RALY: variants seen among roughly 807,000 people sequenced by gnomAD.
RALY encodes the protein RNA-binding protein Raly.
Under a neutral mutation model 30.7 loss-of-function variants are expected in RALY, and 15 were observed. The observed-to-expected ratio is 0.49, with a 90% confidence interval of 0.33 to 0.75. The LOEUF (loss-of-function observed/expected upper bound fraction) is 0.75. RALY is among the 30% of genes least tolerant of loss of function. The pLI is 0.02. For synonymous variants in RALY, 177 were observed against 170.8 expected (o/e 1.04, Z -0.28); for missense variants, 339 against 414.3 (o/e 0.82, Z 1.58).
At chr20:34,005,665 A>G (rs1393275042) in intron 1 of RALY, among the ~76,000 whole-genome samples, 1 of 152,246 alleles carries the variant, frequency 6.6e-6, no homozygotes, top group Non-Finnish European at 1.5e-5. Flanking sequence ...GAAGCCTTTT[A>G]TACATATAAA....
intron 2 of RALY, among the ~76,000 whole-genome samples, chr20:34,058,286 T>C (rs2123203925): frequency 6.6e-6 from 1 of 152,302 alleles, no homozygotes; most frequent in Admixed American, 6.5e-5. Context: ...CGTTTGATGC[T>C]TAGCTTATGG....
At chr20:34,000,257 A>G (rs1434407037) in intron 1 of RALY, among the ~76,000 whole-genome samples, 1 of 152,074 alleles carries the variant, frequency 6.6e-6, no homozygotes, top group Non-Finnish European at 1.5e-5. Flanking sequence ...TAGCCTGAGC[A>G]TCGTTTGGTC....
chr20:33,997,334 C>A (rs1449421729), intron 1 of RALY, among the ~76,000 whole-genome samples: 1 of 152,106 alleles, frequency 6.6e-6, no homozygotes, highest in Admixed American at 6.5e-5. Flanking sequence ...AGGCTGGCTT[C>A]GAACTCCTGA....
intron 2 of RALY, among the ~76,000 whole-genome samples, chr20:34,063,485 G>C (rs745947053): frequency 6.6e-6 from 1 of 152,182 alleles, no homozygotes; most frequent in Non-Finnish European, 1.5e-5. Flanking sequence ...TGTATCTGTA[G>C]AGTGCAGATG....
intron 2 of RALY, among the ~76,000 whole-genome samples, chr20:34,042,452 C>T (rs1215969194): frequency 1.3e-5 from 2 of 152,140 alleles, no homozygotes; most frequent in Non-Finnish European, 2.9e-5. Flanking sequence ...TATGTCATTT[C>T]GTTAAGTGAC....
At chr20:34,031,168 C>T (rs946997156) in intron 1 of RALY, among the ~76,000 whole-genome samples, 1 of 151,642 alleles carries the variant, frequency 6.6e-6, no homozygotes, top group Non-Finnish European at 1.5e-5. Context: ...CTTCAGCCTC[C>T]CAAGTAGCTG....
intron 2 of RALY, among the ~76,000 whole-genome samples, chr20:34,052,411 C>T (rs1601476297): frequency 1.3e-5 from 2 of 152,300 alleles, no homozygotes; most frequent in Non-Finnish European, 2.9e-5. Context: ...CCAAGGTCTA[C>T]AGCCCATGGC....
At chr20:34,046,813 C>CTTTTTTTTTTTT (rs61495395) in intron 2 of RALY, among the ~76,000 whole-genome samples, 2 of 72,764 alleles carry the variant, frequency 2.7e-5, no homozygotes, top group African/African-American at 5.9e-5. Context: ...GACCTCCACT[C>CTTTTTTTTTTTT]TTTTTTTTTT....
intron 2 of RALY, among the ~76,000 whole-genome samples, chr20:34,052,987 A>G (rs566260276): frequency 1.3e-5 from 2 of 152,284 alleles, no homozygotes; most frequent in East Asian, 3.9e-4. Context: ...TAGTGGGGCT[A>G]TCCTTGCATT....
intron 3 of RALY, among the ~76,000 whole-genome samples, 181 bp from the exon 4 acceptor site, chr20:34,073,382 C>G (rs139042328): frequency 6.6e-6 from 1 of 152,170 alleles, no homozygotes; most frequent in African/African-American, 2.4e-5. Context: ...CCATGTGATA[C>G]CTGGATATGA....
intron 1 of RALY, among the ~76,000 whole-genome samples, chr20:34,028,669 A>G (rs894314410): frequency 7.6e-6 from 1 of 132,142 alleles, no homozygotes; most frequent in African/African-American, 3.0e-5. Context: ...GTGTCACTGC[A>G]CTCCAGCATG....
Position 34,073,756 on chromosome 20 carries a change from C to T in RALY, c.330-63C>T, listed in dbSNP as rs376031157. 25 of 1,572,714 alleles carry T rather than the reference C, an allele frequency of 1.6e-5. No homozygotes were observed. In the African/African-American group the frequency reaches 1.8e-4, roughly 11 times the overall value. ...TTGGGGAGGTGTCTGGAGATGAGGG[C>T]CTGTGGAAAGTGGGCTGAGTGGCCG... On this transcript the variant is annotated intron_variant, in intron 4 of 9. Transcript: ENST00000246194.
intron 2 of RALY, among the ~76,000 whole-genome samples, 156 bp from the exon 3 acceptor site, chr20:34,071,910 G>A (rs2033738026): frequency 6.6e-6 from 1 of 152,180 alleles, no homozygotes; most frequent in South Asian, 2.1e-4. Flanking sequence ...GCAACTCTTG[G>A]TAATATGACA....
intron 1 of RALY, among the ~76,000 whole-genome samples, chr20:34,002,480 A>G (rs568348414): frequency 6.6e-6 from 1 of 152,252 alleles, no homozygotes; most frequent in Non-Finnish European, 1.5e-5. Context: ...AGGAAGACAG[A>G]TAAGTAAAGC....
intron 2 of RALY, among the ~76,000 whole-genome samples, chr20:34,043,172 A>G (rs1339121527): frequency 4.6e-5 from 7 of 152,204 alleles, no homozygotes; most frequent in African/African-American, 1.2e-4. Flanking sequence ...GGCCTTTGCT[A>G]ATCCTAGACT....
intron 1 of RALY, among the ~76,000 whole-genome samples, chr20:34,029,461 GAGGGAGGGAGGGAGGAA>G (rs1258418951): frequency 7.3e-5 from 9 of 123,850 alleles, no homozygotes; most frequent in Non-Finnish European, 1.1e-4. Flanking sequence ...AGGAAGAAAG[GAGGGAGGGAGGGAGGAA>G]AGGGAGGGAG....
intron 3 of RALY, 36 bp downstream of exon 3, chr20:34,072,366 C>T: frequency 6.3e-7 from 1 of 1,586,984 alleles, no homozygotes; most frequent in South Asian, 1.1e-5. Context: ...CTAGTATTCT[C>T]TAGAATAGCT....
intron 5 of RALY, among the ~76,000 whole-genome samples, chr20:34,074,349 C>G (rs2033814343): frequency 6.6e-6 from 1 of 152,188 alleles, no homozygotes; most frequent in South Asian, 2.1e-4. Flanking sequence ...CTACCCTGCA[C>G]TCCCAAGCCC....
At chr20:34,021,047 C>T (rs899287355) in intron 1 of RALY, among the ~76,000 whole-genome samples, 20 of 152,030 alleles carry the variant, frequency 1.3e-4, no homozygotes, top group South Asian at 2.1e-4. Flanking sequence ...CTGCAACCTC[C>T]GCCTCCGGGG....
Sources: gnomAD v4.1 joint callset for allele counts (sites outside exome capture counted in the v4.1 genomes callset) on GRCh38, gnomAD v4.1.1 for gene constraint, MANE v1.5 for transcripts, NCBI Gene and HGNC (gene_info 2026-07-23, HGNC 2026-07-21) for gene names.